Variants in PKIB observed in about 807,000 individuals in gnomAD.
PKIB encodes PKI-beta.
A neutral mutation model predicts 4.5 loss-of-function variants in PKIB; 2 were observed. The observed-to-expected ratio is 0.44, with a 90% CI of 0.18 to 1.39. PKIB has a LOEUF of 1.39. Ranked by LOEUF, PKIB falls within the 40% of genes most tolerant of loss-of-function variation. PKIB has a pLI of 0.27. For missense variants in PKIB, 94 were observed against 92.6 expected, an observed-to-expected ratio of 1.02 and a Z score of -0.06; for synonymous variants, 38 against 36.0, an observed-to-expected ratio of 1.06 and a Z score of -0.20.
intron 2 of PKIB, among the ~76,000 whole-genome samples, chr6:122,536,933 T>G (rs1390060021): frequency 2.0e-5 from 3 of 150,530 alleles, no homozygotes; most frequent in Non-Finnish European, 3.0e-5. Flanking sequence ...GAACCTCAAA[T>G]TTTGCTTGGG....
intron 3 of PKIB, among the ~76,000 whole-genome samples, chr6:122,692,544 T>A (rs1287264629): frequency 6.6e-6 from 1 of 151,982 alleles, no homozygotes; most frequent in Admixed American, 6.5e-5. Flanking sequence ...AGTCAGCTTG[T>A]GGTGAATGCT....
intron 3 of PKIB, among the ~76,000 whole-genome samples, chr6:122,704,226 G>A (rs1451039672): frequency 6.6e-6 from 1 of 152,024 alleles, no homozygotes; most frequent in Non-Finnish European, 1.5e-5. Context: ...TGCATGGGAT[G>A]TGGCCCGCCC....
In PKIB at chr6:122,652,324, GTGTGTGTGTGGA is replaced by G. The variant is rs781192022; in HGVS notation, c.-76+18958_-76+18969del. Among the ~76,000 whole-genome samples, 1,055 of 120,842 alleles carry G rather than the reference GTGTGTGTGTGGA, an allele frequency of 8.7e-3. 10 individuals carry two copies. The highest frequency in any genetic ancestry group is 0.045 in the South Asian group (125 of 2,790). 79.3% of individuals were successfully genotyped at this position (120,842 alleles called of 152,430 possible). On this transcript the variant is annotated intron_variant, in intron 2 of 4. Coordinates refer to ENST00000368452, the MANE Select transcript of PKIB (RefSeq NM_181795.3). ...TGTGTGTGTGTGTGTGTGTGTGTGT[GTGTGTGTGTGGA>G]GAGAGAGAGATTTATTGAAAAGAAT...
At chr6:122,623,137 C>T (rs9490502) in intron 1 of PKIB, among the ~76,000 whole-genome samples, 1,976 of 152,184 alleles carry the variant, frequency 0.013, 50 homozygotes, top group African/African-American at 0.043. Flanking sequence ...GATTTAATAT[C>T]GATAAAAGAA....
At chr6:122,498,018 T>C (rs1582658866) in intron 2 of PKIB, among the ~76,000 whole-genome samples, 2 of 152,176 alleles carry the variant, frequency 1.3e-5, no homozygotes, top group African/African-American at 4.8e-5. Flanking sequence ...AACCATACTT[T>C]TGGGCCACAG....
At chr6:122,586,867 A>G (rs940842907) in intron 3 of PKIB, among the ~76,000 whole-genome samples, 3 of 152,162 alleles carry the variant, frequency 2.0e-5, no homozygotes, top group African/African-American at 7.2e-5. Flanking sequence ...CTTTAGGGCC[A>G]CAGAAAATAT....
At chr6:122,626,761 A>T (rs2114805514) in intron 1 of PKIB, among the ~76,000 whole-genome samples, 1 of 152,330 alleles carries the variant, frequency 6.6e-6, no homozygotes, top group East Asian at 1.9e-4. Context: ...CATACAAAGG[A>T]AGCACTCAGT....
chr6:122,520,570 C>T (rs1348341217), intron 2 of PKIB, among the ~76,000 whole-genome samples: 1 of 152,076 alleles, frequency 6.6e-6, no homozygotes, highest in African/African-American at 2.4e-5. Context: ...GGCTTATACT[C>T]CTGTGGTGAT....
At chr6:122,562,238 A>G (rs1417795384) in intron 2 of PKIB, among the ~76,000 whole-genome samples, 2 of 152,110 alleles carry the variant, frequency 1.3e-5, no homozygotes, top group African/African-American at 2.4e-5. Context: ...TGGATACAAA[A>G]TTCTTGGCTG....
At chr6:122,666,809 T>C (rs1269094298) in intron 2 of PKIB, among the ~76,000 whole-genome samples, 1 of 152,260 alleles carries the variant, frequency 6.6e-6, no homozygotes, top group Non-Finnish European at 1.5e-5. Context: ...TTCTTTTTGT[T>C]GCTCCTGTGA....
intron 3 of PKIB, among the ~76,000 whole-genome samples, chr6:122,699,224 C>T (rs1778697379): frequency 1.3e-5 from 2 of 149,982 alleles, no homozygotes; most frequent in Admixed American, 1.3e-4. Flanking sequence ...ACAATGTGCA[C>T]ATGTACCCTA....
intron 3 of PKIB, among the ~76,000 whole-genome samples, chr6:122,710,996 C>T (rs923361396): frequency 6.6e-6 from 1 of 152,126 alleles, no homozygotes; most frequent in Non-Finnish European, 1.5e-5. Flanking sequence ...ATTCTGAATA[C>T]TCTGAAGCTA....
rs747029019 is a variant in PKIB, at chr6:122,725,241, ACTTAGTGGTTCTGTTTT to A, written c.*50_*66del. 11 of 1,481,972 alleles carry A rather than the reference ACTTAGTGGTTCTGTTTT, an allele frequency of 7.4e-6. No homozygotes were observed. Among genetic ancestry groups the A allele is most frequent in the Non-Finnish European group, 1.0e-5 (11 of 1,077,362 alleles). 91.8% of individuals were successfully genotyped at this position (1,481,972 alleles called of 1,614,324 possible). A position where few individuals can be genotyped will look rare whatever the true frequency, so the allele number is the denominator to read the frequency against. ...GTGCTGAATTTCTGCATGTTGAAAG[ACTTAGTGGTTCTGTTTT>A]CTTGAGACATTTAATCTGGTGGTAA... is the stretch of plus-strand genomic sequence containing the variant. On this transcript the variant is annotated 3_prime_UTR_variant, in exon 5 of 5. Transcript: ENST00000368452.
chr6:122,725,308 C>T lies in PKIB; in HGVS notation c.*113C>T, dbSNP rs145738269. 3.0e-4 allele frequency: 242 copies of T among 799,522 alleles called. 1 individual carries two copies. The highest frequency in any genetic ancestry group is 4.6e-4 in the Middle Eastern group (2 of 4,336). 49.5% of individuals were successfully genotyped at this position (799,522 alleles called of 1,614,324 possible). ...ACTGTGGTAACATTGCAGCCCTAAGCAGCATGTGTATATTAGATAATTGTG... is the reference window on the plus strand; with the variant it reads ...ACTGTGGTAACATTGCAGCCCTAAGTAGCATGTGTATATTAGATAATTGTG... On this transcript the variant is annotated 3_prime_UTR_variant, in exon 5 of 5. Transcript: ENST00000368452.
chr6:122,535,904 A>C (rs1777391923), intron 2 of PKIB, among the ~76,000 whole-genome samples: 2 of 152,116 alleles, frequency 1.3e-5, no homozygotes. Flanking sequence ...AGGTCTGTGA[A>C]CATCATGACA....
chr6:122,560,745 C>G (rs967004585), intron 2 of PKIB, among the ~76,000 whole-genome samples: 14 of 152,012 alleles, frequency 9.2e-5, no homozygotes, highest in African/African-American at 3.1e-4. Context: ...TTCAGGGTAT[C>G]TAATTCGTCC....
chr6:122,598,001 C>A (rs1046389680), intron 3 of PKIB, among the ~76,000 whole-genome samples: 1 of 152,182 alleles, frequency 6.6e-6, no homozygotes, highest in South Asian at 2.1e-4. Context: ...AATGTCTAAT[C>A]ATTTCCCTTT....
chr6:122,485,751 C>T (rs1212463986), intron 2 of PKIB, among the ~76,000 whole-genome samples: 7 of 152,118 alleles, frequency 4.6e-5, no homozygotes, highest in Non-Finnish European at 8.8e-5. Context: ...CATTAGCAGT[C>T]GAGTGCCTGA....
chr6:122,704,728 C>CTG (rs113825379), intron 3 of PKIB, among the ~76,000 whole-genome samples: 84,135 of 149,108 alleles, frequency 0.56, 24,155 homozygotes, highest in East Asian at 0.84. Flanking sequence ...GAAATAATAA[C>CTG]TGTGTGTGTG....
Sources: allele counts gnomAD v4.1 joint callset (sites outside exome capture counted in the v4.1 genomes callset), GRCh38; gene constraint gnomAD v4.1.1; transcripts MANE v1.5; gene names NCBI Gene and HGNC (gene_info 2026-07-23, HGNC 2026-07-21).